PRH1: variants seen among roughly 807,000 people sequenced by gnomAD.
PRH1 encodes the protein proline rich protein HaeIII subfamily 1, also known as salivary acidic proline-rich phosphoprotein 1/2.
Under a neutral mutation model 7.9 loss-of-function variants are expected in PRH1, and 7 were observed. The ratio of observed to expected loss-of-function variants is 0.89; its 90% CI spans 0.50 to 1.67. PRH1 has a LOEUF of 1.67. Among genes scored for constraint, PRH1 ranks in the 40% most tolerant of loss-of-function variants. PRH1 has a pLI of 0.00. For synonymous variants in PRH1, 45 were observed against 80.8 expected, an observed-to-expected ratio of 0.56 and a Z score of 2.38; for missense variants, 109 against 223.6, an observed-to-expected ratio of 0.49 and a Z score of 3.27.
chr12:11,061,334 C>T (rs1161106010), intron 1 of PRH1: 1 of 1,584,764 alleles, frequency 6.3e-7, no homozygotes, highest in East Asian at 2.2e-5. Context: ...TTGTTTTCTG[C>T]TAGAAGATAC....
downstream of PRH1, among the ~76,000 whole-genome samples, chr12:11,116,206 T>C (rs1030697745): frequency 2.6e-5 from 4 of 151,850 alleles, no homozygotes; most frequent in African/African-American, 9.7e-5. Flanking sequence ...AGCAGAGATA[T>C]TACAACTGAT....
intron 1 of PRH1, among the ~76,000 whole-genome samples, chr12:10,883,550 T>C (rs868753262): frequency 1.3e-5 from 2 of 152,314 alleles, no homozygotes; most frequent in Middle Eastern, 3.4e-3. Flanking sequence ...CATCTGTAAA[T>C]ATGTTGTTTA....
intron 2 of PRH1, among the ~76,000 whole-genome samples, chr12:10,902,757 T>C (rs1949741614): frequency 6.6e-6 from 1 of 152,174 alleles, no homozygotes; most frequent in South Asian, 2.1e-4. Context: ...CCAATAATTG[T>C]ATATTCCATC....
chr12:11,139,757 G>A (rs1946653698), intron 1 of PRH1, among the ~76,000 whole-genome samples: 1 of 152,094 alleles, frequency 6.6e-6, no homozygotes, highest in African/African-American at 2.4e-5. Context: ...GCATGTATAT[G>A]TATTCGGATA....
intron 1 of PRH1, among the ~76,000 whole-genome samples, chr12:11,152,300 C>T (rs1947123798): frequency 7.9e-6 from 1 of 125,820 alleles, no homozygotes; most frequent in South Asian, 2.4e-4. Context: ...ATATAACCTA[C>T]AACTCTTTTG....
chr12:10,938,306 A>G (rs2135884847), intron 2 of PRH1: 5 of 1,613,650 alleles, frequency 3.1e-6, no homozygotes, highest in Non-Finnish European at 3.4e-6. Context: ...ATCTTTGAAC[A>G]TGTACCTCAG....
chr12:11,168,673 G>C (rs34018339), intron 1 of PRH1, among the ~76,000 whole-genome samples: 68,659 of 151,434 alleles, frequency 0.45, 16,288 homozygotes, highest in Non-Finnish European at 0.52. Context: ...CTACTATCTG[G>C]AAAAGCATCA....
intron 1 of PRH1, among the ~76,000 whole-genome samples, chr12:11,098,045 T>A (rs1253316753): frequency 2.5e-5 from 2 of 78,690 alleles, no homozygotes; most frequent in Admixed American, 3.0e-4. Context: ...TTTGGGATTT[T>A]TTTTGGCATT....
intron 1 of PRH1, among the ~76,000 whole-genome samples, chr12:11,123,037 A>C (rs1311301374): frequency 1.3e-5 from 2 of 152,010 alleles, no homozygotes; most frequent in African/African-American, 4.8e-5. Flanking sequence ...ATGCAACCCT[A>C]AACTCAATAG....
intron 1 of PRH1, chr12:10,985,807 G>T: frequency 1.2e-6 from 1 of 809,466 alleles, no homozygotes; most frequent in Non-Finnish European, 1.9e-6. Flanking sequence ...GACTTTTCTA[G>T]GTATGCTTTC....
At chr12:11,168,287 AGAAAGAAAGAAAGAAGGAAGGAAGGAAG>A in intron 1 of PRH1, among the ~76,000 whole-genome samples, 1 of 30,484 alleles carries the variant, frequency 3.3e-5, no homozygotes, top group Non-Finnish European at 7.3e-5. Flanking sequence ...AAAGAAAGAA[AGAAAGAAAGAAAGAAGGAAGGAAGGAAG>A]GAAGGAAGGA....
intron 2 of PRH1, among the ~76,000 whole-genome samples, chr12:10,945,323 T>C (rs1486344435): frequency 2.0e-5 from 3 of 152,184 alleles, no homozygotes; most frequent in Non-Finnish European, 4.4e-5. Flanking sequence ...TCACTTAGGT[T>C]CTTTTCTATT....
intron 2 of PRH1, among the ~76,000 whole-genome samples, chr12:10,890,781 G>A (rs115997814): frequency 0.023 from 3,453 of 151,424 alleles, 139 homozygotes; most frequent in African/African-American, 0.079. Context: ...GGTGGCTGAG[G>A]TGGGAGGAAA....
intron 1 of PRH1, among the ~76,000 whole-genome samples, chr12:11,018,945 A>G (rs1298314769): frequency 2.0e-5 from 3 of 151,710 alleles, no homozygotes; most frequent in Admixed American, 2.0e-4. Flanking sequence ...GTGCATGTCT[A>G]AAAAGTTAAG....
chr12:10,943,806 G>A (rs1232114784), intron 2 of PRH1, among the ~76,000 whole-genome samples: 2 of 152,130 alleles, frequency 1.3e-5, no homozygotes, highest in African/African-American at 4.8e-5. Context: ...AGTTATCCCA[G>A]TGCTATTTAT....
At chr12:11,001,746 G>C (rs897980846) in intron 1 of PRH1, among the ~76,000 whole-genome samples, 1 of 152,046 alleles carries the variant, frequency 6.6e-6, no homozygotes, top group Non-Finnish European at 1.5e-5. Context: ...CTGGCATCAG[G>C]GAGTGTTATA....
At chr12:10,921,127 C>T (rs1950039417) in intron 2 of PRH1, among the ~76,000 whole-genome samples, 1 of 151,726 alleles carries the variant, frequency 6.6e-6, no homozygotes, top group Non-Finnish European at 1.5e-5. Context: ...TATCTAATTG[C>T]CTACCTTCTC....
At chr12:11,002,583 A>G (rs1433261729) in intron 1 of PRH1, among the ~76,000 whole-genome samples, 1 of 152,076 alleles carries the variant, frequency 6.6e-6, no homozygotes, top group Non-Finnish European at 1.5e-5. Context: ...ATAGCATACA[A>G]ACTGTATTTT....
intron 1 of PRH1, among the ~76,000 whole-genome samples, chr12:11,019,334 G>A (rs1337073570): frequency 6.6e-6 from 1 of 152,144 alleles, no homozygotes; most frequent in Non-Finnish European, 1.5e-5. Flanking sequence ...TCAACATCAC[G>A]ACACATGGTT....
Sources: allele counts gnomAD v4.1 joint callset (sites outside exome capture counted in the v4.1 genomes callset), GRCh38; gene constraint gnomAD v4.1.1; transcripts MANE v1.5; gene names NCBI Gene and HGNC (gene_info 2026-07-23, HGNC 2026-07-21).